The following DNMBP variants were observed in gnomAD, a reference collection of about 807,000 sequenced individuals.
The protein encoded by DNMBP is dynamin-binding protein.
DNMBP carries 87 observed loss-of-function variants against 150.0 expected under a neutral mutation model. The observed-to-expected ratio is 0.58, with a 90% CI of 0.49 to 0.69. DNMBP has a LOEUF of 0.69. DNMBP is among the 30% of genes least tolerant of loss of function. DNMBP has a pLI of 0.00. For synonymous variants in DNMBP, 711 were observed against 750.4 expected, an observed-to-expected ratio of 0.95 and a Z score of 0.86; for missense variants, 1,774 against 1,949.0, an observed-to-expected ratio of 0.91 and a Z score of 1.69.
chr10:99,888,580 C>T (rs947097969), intron 12 of DNMBP, among the ~76,000 whole-genome samples: 4 of 151,978 alleles, frequency 2.6e-5, no homozygotes, highest in Non-Finnish European at 5.9e-5. Context: ...TTCCTTTGTC[C>T]TCTGAAACTA....
At chr10:99,888,703 G>A in intron 12 of DNMBP, 122 bp downstream of exon 12, 1 of 1,164,122 alleles carries the variant, frequency 8.6e-7, no homozygotes, top group South Asian at 1.5e-5. Flanking sequence ...TATGAATATA[G>A]CTAAAGGATG....
rs749146123 is a variant in DNMBP at position 99,898,223 on chromosome 10, C to T, written c.2783G>A (p.Arg928His). The T allele has an allele frequency of 8.7e-6, 14 of 1,613,944 alleles. No individual in the cohort carries two copies. Among genetic ancestry groups the T allele is most frequent in the South Asian group, 7.7e-5 (7 of 91,062 alleles). ...CAACTCCATTAGCAACAGCGGGTAACGCATTACTCTCTGTACTGGTTTGAT... is the reference window on the plus strand; with the variant it reads ...CAACTCCATTAGCAACAGCGGGTAATGCATTACTCTCTGTACTGGTTTGAT... ...FLIKPVQRVM[R>H]YPLLLMELLN... is the part of the protein sequence containing the mutation. The change falls in exon 9 of 17, where the codon CGT becomes CAT. Residue 928 changes from arginine to histidine, a missense_variant. Coordinates refer to ENST00000324109, the MANE Select transcript of DNMBP (RefSeq NM_015221.4).
chr10:99,949,284 T>C (rs1157648031), intron 4 of DNMBP, among the ~76,000 whole-genome samples: 1 of 152,146 alleles, frequency 6.6e-6, no homozygotes, highest in Non-Finnish European at 1.5e-5. Context: ...GTGTGGGAAA[T>C]GACACACTGA....
intron 3 of DNMBP, 179 bp from the exon 4 acceptor site, chr10:99,957,384 A>G: frequency 3.1e-6 from 2 of 636,866 alleles, no homozygotes; most frequent in South Asian, 4.0e-5. Context: ...ATAAACCTGT[A>G]GTTTTCAGAG....
At chr10:99,970,876 G>A (rs1234586376) in intron 2 of DNMBP, among the ~76,000 whole-genome samples, 1 of 148,196 alleles carries the variant, frequency 6.7e-6, no homozygotes, top group Non-Finnish European at 1.5e-5. Context: ...GGAGGCTGAG[G>A]CAGGAGAATG....
chr10:99,940,340 AG>A (rs1564739509), intron 4 of DNMBP, among the ~76,000 whole-genome samples: 2 of 152,100 alleles, frequency 1.3e-5, no homozygotes, highest in Non-Finnish European at 2.9e-5. Context: ...TAATCTCTCT[AG>A]GCTTGTTTCT....
chr10:99,947,565 T>TGGAG (rs551358082), intron 4 of DNMBP, among the ~76,000 whole-genome samples: 2,145 of 111,018 alleles, frequency 0.019, 29 homozygotes, highest in African/African-American at 0.041. Flanking sequence ...TACAGGACAA[T>TGGAG]GGAGGGAGGG....
intron 4 of DNMBP, among the ~76,000 whole-genome samples, chr10:99,937,518 T>C (rs937867536): frequency 3.9e-5 from 6 of 152,248 alleles, no homozygotes; most frequent in African/African-American, 1.4e-4. Context: ...TTTGATTTCA[T>C]GGCACTAGAC....
chr10:99,876,986 A>G lies in DNMBP; in HGVS notation c.*165T>C, dbSNP rs1040559365. ...GATTCTAGTGAGCATCAAGGTTTAC[A>G]ACCCAATCGAGGAGAACAAGATCTG... is the stretch of plus-strand genomic sequence containing the variant. On this transcript the variant is annotated 3_prime_UTR_variant, in exon 17 of 17. Coordinates refer to ENST00000324109, the MANE Select transcript of DNMBP (RefSeq NM_015221.4). 13 of 560,496 alleles carry G rather than the reference A, an allele frequency of 2.3e-5. No individual in the cohort carries two copies. In the African/African-American group the frequency reaches 2.3e-4, roughly 10 times the overall value. 34.7% of individuals were successfully genotyped at this position (560,496 alleles called of 1,614,324 possible).
At chr10:99,969,970 C>T (rs752426908) in intron 2 of DNMBP, among the ~76,000 whole-genome samples, 2 of 152,154 alleles carry the variant, frequency 1.3e-5, no homozygotes, top group African/African-American at 2.4e-5. Flanking sequence ...TTCAGGGTTT[C>T]CCATTTTCTT....
intron 11 of DNMBP, among the ~76,000 whole-genome samples, chr10:99,891,630 G>C (rs766583413): frequency 3.3e-5 from 5 of 149,380 alleles, no homozygotes; most frequent in Admixed American, 2.6e-4. Context: ...CTGCCTGGCC[G>C]CCCATCGTCT....
At chr10:100,007,861 G>T (rs2041092172) in intron 1 of DNMBP, among the ~76,000 whole-genome samples, 1 of 152,156 alleles carries the variant, frequency 6.6e-6, no homozygotes, top group Admixed American at 6.5e-5. Context: ...TTGAAAATTA[G>T]CTTATTCAGA....
intron 3 of DNMBP, among the ~76,000 whole-genome samples, chr10:99,968,311 T>C (rs532626423): frequency 1.3e-5 from 2 of 152,164 alleles, no homozygotes; most frequent in African/African-American, 4.8e-5. Flanking sequence ...ATGGTAATAT[T>C]GTTAGCAAAG....
chr10:99,945,615 A>T (rs1342905048), intron 4 of DNMBP, among the ~76,000 whole-genome samples: 1 of 152,250 alleles, frequency 6.6e-6, no homozygotes, highest in African/African-American at 2.4e-5. Flanking sequence ...CAATTCTGAC[A>T]CATGATTCTG....
chr10:99,916,958 G>A (rs985531570), intron 4 of DNMBP, among the ~76,000 whole-genome samples: 1 of 151,910 alleles, frequency 6.6e-6, no homozygotes, highest in Admixed American at 6.6e-5. Context: ...GCGAGATCAC[G>A]CCACTGTACT....
At chr10:99,905,055 C>CT (rs2039805711) in intron 6 of DNMBP, among the ~76,000 whole-genome samples, 1 of 152,180 alleles carries the variant, frequency 6.6e-6, no homozygotes, top group Non-Finnish European at 1.5e-5. Context: ...TAGCAGCCAA[C>CT]TTTATCTCAT....
rs559505054 is a variant in DNMBP at position 99,898,640 on chromosome 10, T to A, written c.2720+103A>T. On this transcript the variant is annotated intron_variant, in intron 8 of 16. Coordinates refer to ENST00000324109, the MANE Select transcript of DNMBP (RefSeq NM_015221.4). Reference sequence around the variant, plus strand: ...GAAAACCCAGCAAGGTGAGTCTACTTCTAGGTTTGTCTATAAAGGAAGAAA... The same window carrying A: ...GAAAACCCAGCAAGGTGAGTCTACTACTAGGTTTGTCTATAAAGGAAGAAA... The A allele has an allele frequency of 6.3e-6, 8 of 1,275,996 alleles. No individual in the cohort carries two copies. The African/African-American group carries it at 1.0e-4, about 17-fold the overall frequency. The allele number at this position is 1,275,996 out of a possible 1,614,324, so 79.0% of individuals were successfully genotyped here.
intron 4 of DNMBP, among the ~76,000 whole-genome samples, chr10:99,920,159 T>G (rs1250754255): frequency 6.6e-6 from 1 of 151,560 alleles, no homozygotes; most frequent in African/African-American, 2.4e-5. Flanking sequence ...CACCGCAACC[T>G]CCGCCTCCTG....
chr10:99,904,434 A>G (rs971743040), intron 6 of DNMBP, among the ~76,000 whole-genome samples: 10 of 151,992 alleles, frequency 6.6e-5, no homozygotes, highest in East Asian at 3.9e-4. Flanking sequence ...ATCATTCTCT[A>G]TCTCAGCCAC....
Sources: allele counts gnomAD v4.1 joint callset (sites outside exome capture counted in the v4.1 genomes callset), GRCh38; gene constraint gnomAD v4.1.1; transcripts MANE v1.5; gene names NCBI Gene and HGNC (gene_info 2026-07-23, HGNC 2026-07-21).